The following ACTR3C variants were observed in gnomAD, a reference collection of about 807,000 sequenced individuals.
The protein encoded by ACTR3C is actin related protein 3C, also known as actin-related protein 3C.
ACTR3C carries 18 observed loss-of-function variants against 26.3 expected under a neutral mutation model. That is an observed-to-expected ratio of 0.68 (90% CI 0.47 to 1.01). ACTR3C has a LOEUF of 1.01. Ranked by LOEUF, ACTR3C falls within the 50% of genes least tolerant of loss-of-function variation. ACTR3C has a pLI of 0.00. For synonymous variants in ACTR3C, 55 were observed against 94.5 expected (o/e 0.58, Z 2.42); for missense variants, 184 against 250.7 (o/e 0.73, Z 1.80).
At chr7:149,882,876 C>A in the ACTR3C span, among the ~76,000 whole-genome samples, 1 of 152,102 alleles carries the variant, frequency 6.6e-6, no homozygotes, top group South Asian at 2.1e-4. Flanking sequence ...TTATTGTGGC[C>A]GGGCCAGCTG....
the ACTR3C span, among the ~76,000 whole-genome samples, chr7:150,014,908 T>G: frequency 6.6e-6 from 1 of 152,136 alleles, no homozygotes; most frequent in Non-Finnish European, 1.5e-5. Context: ...TTCCTCTCCA[T>G]CCTCTCCATA....
the ACTR3C span, among the ~76,000 whole-genome samples, chr7:150,133,750 GTT>G: frequency 1.3e-5 from 2 of 151,942 alleles, no homozygotes; most frequent in East Asian, 3.9e-4. Flanking sequence ...TTGTTTGTTT[GTT>G]TGTGAGACAG....
At chr7:149,890,522 A>G in the ACTR3C span, among the ~76,000 whole-genome samples, 4 of 150,404 alleles carry the variant, frequency 2.7e-5, no homozygotes, top group Admixed American at 6.7e-5. Context: ...ATAAGTGGCA[A>G]TAATTACAAT....
intron 1 of ACTR3C, among the ~76,000 whole-genome samples, chr7:150,304,361 A>C (rs1221231413): frequency 6.6e-6 from 1 of 152,184 alleles, no homozygotes; most frequent in African/African-American, 2.4e-5. Context: ...GATTTCACAG[A>C]GCACTAACTT....
At chr7:150,135,888 A>G in the ACTR3C span, among the ~76,000 whole-genome samples, 113 of 151,382 alleles carry the variant, frequency 7.5e-4, no homozygotes, top group South Asian at 1.9e-3. Context: ...AAAAGAAAAG[A>G]AAAGGAAAGA....
the ACTR3C span, among the ~76,000 whole-genome samples, chr7:150,080,708 A>G: frequency 1.7e-4 from 26 of 152,178 alleles, no homozygotes; most frequent in African/African-American, 6.0e-4. Flanking sequence ...CTCCACAGGA[A>G]AAGAGTTTCC....
At chr7:150,028,406 T>A in the ACTR3C span, among the ~76,000 whole-genome samples, 1 of 152,302 alleles carries the variant, frequency 6.6e-6, no homozygotes, top group Non-Finnish European at 1.5e-5. Context: ...GCACGGGAGA[T>A]CAAACCTCAA....
the ACTR3C span, among the ~76,000 whole-genome samples, chr7:149,887,963 C>T: frequency 6.6e-6 from 1 of 152,210 alleles, no homozygotes; most frequent in South Asian, 2.1e-4. Context: ...CTGAGACCTC[C>T]TCAACCTTGT....
the ACTR3C span, among the ~76,000 whole-genome samples, chr7:150,224,847 T>C: frequency 6.6e-6 from 1 of 152,202 alleles, no homozygotes; most frequent in Non-Finnish European, 1.5e-5. Context: ...CATTCATTTA[T>C]TTATTATTTA....
chr7:150,235,960 C>A, the ACTR3C span, among the ~76,000 whole-genome samples: 249 of 151,186 alleles, frequency 1.6e-3, 5 homozygotes, highest in Non-Finnish European at 1.4e-3. Context: ...AAGCAGGCTG[C>A]AAGACACTAA....
At chr7:150,046,329 ATCAC>A in the ACTR3C span, among the ~76,000 whole-genome samples, 1 of 120,900 alleles carries the variant, frequency 8.3e-6, no homozygotes, top group Non-Finnish European at 1.7e-5. Flanking sequence ...TCCCTGGGAA[ATCAC>A]TCAATGTCTC....
At chr7:150,100,632 A>G in the ACTR3C span, among the ~76,000 whole-genome samples, 2 of 151,518 alleles carry the variant, frequency 1.3e-5, no homozygotes, top group Non-Finnish European at 2.9e-5. Flanking sequence ...TGCAAAGCAA[A>G]TTTACTTAGT....
the ACTR3C span, among the ~76,000 whole-genome samples, chr7:149,908,872 C>G: frequency 6.6e-6 from 1 of 152,058 alleles, no homozygotes; most frequent in South Asian, 2.1e-4. Flanking sequence ...ACCTCCACCC[C>G]CCAGCTTCAA....
At chr7:149,918,552 C>G in the ACTR3C span, among the ~76,000 whole-genome samples, 1 of 152,080 alleles carries the variant, frequency 6.6e-6, no homozygotes, top group Non-Finnish European at 1.5e-5. Context: ...TAGTCAGGTG[C>G]GGTGGCGCAT....
chr7:150,174,332 A>G, the ACTR3C span, among the ~76,000 whole-genome samples: 2 of 138,482 alleles, frequency 1.4e-5, no homozygotes, highest in South Asian at 4.5e-4. Flanking sequence ...AAGCAAAAGC[A>G]GAAACCCCTG....
At chr7:150,036,620 C>T in the ACTR3C span, among the ~76,000 whole-genome samples, 785 of 143,522 alleles carry the variant, frequency 5.5e-3, 48 homozygotes, top group African/African-American at 0.018. Flanking sequence ...CCACAGTCTA[C>T]GAAACCCCAC....
chr7:150,235,630 C>T, the ACTR3C span, among the ~76,000 whole-genome samples: 2 of 152,198 alleles, frequency 1.3e-5, no homozygotes, highest in African/African-American at 4.8e-5. Flanking sequence ...TTAGGATTTA[C>T]AAAATGTAAT....
At chr7:150,023,344 T>C in the ACTR3C span, among the ~76,000 whole-genome samples, 64 of 105,504 alleles carry the variant, frequency 6.1e-4, no homozygotes, top group Middle Eastern at 4.7e-3. Flanking sequence ...CATACATATA[T>C]ATTTTAGAGA....
chr7:149,910,923 A>G, the ACTR3C span, among the ~76,000 whole-genome samples: 1 of 151,612 alleles, frequency 6.6e-6, no homozygotes, highest in Admixed American at 6.6e-5. Context: ...TTCGTGCCAC[A>G]GGAGCCAGGG....
Sources: gnomAD v4.1 joint callset for allele counts (sites outside exome capture counted in the v4.1 genomes callset) on GRCh38, gnomAD v4.1.1 for gene constraint, MANE v1.5 for transcripts, NCBI Gene and HGNC (gene_info 2026-07-23, HGNC 2026-07-21) for gene names.